NADSYN1: variants seen among roughly 807,000 people sequenced by gnomAD.
NADSYN1 encodes glutamine-dependent NAD(+) synthetase.
NADSYN1 carries 80 observed loss-of-function variants against 99.3 expected under a neutral mutation model. The ratio of observed to expected loss-of-function variants is 0.81; its 90% CI spans 0.67 to 0.97. The LOEUF is 0.97. NADSYN1 is among the 50% of genes least tolerant of loss of function. NADSYN1 has a pLI of 0.00. For missense variants in NADSYN1, 859 were observed against 948.5 expected (o/e 0.91, Z 1.24); for synonymous variants, 385 against 372.1 (o/e 1.03, Z -0.40).
chr11:71,495,614 G>T (rs915849179), intron 18 of NADSYN1, among the ~76,000 whole-genome samples: 19 of 152,152 alleles, frequency 1.2e-4, no homozygotes, highest in Admixed American at 8.5e-4. Context: ...TTGAAAGTGG[G>T]GTATTGAAGT....
At chr11:71,487,634 A>G (rs913604555) in intron 16 of NADSYN1, among the ~76,000 whole-genome samples, 2 of 151,930 alleles carry the variant, frequency 1.3e-5, no homozygotes, top group African/African-American at 4.8e-5. Context: ...GATCGAGACC[A>G]TCCTGGCTAA....
Position 71,490,858 on chromosome 11 carries a change from C to G in NADSYN1, c.1576C>G (p.Leu526Val). 1 of 1,614,192 alleles carries G rather than the reference C, an allele frequency of 6.2e-7. No individual in the cohort carries two copies. Among genetic ancestry groups the G allele is most frequent in the Non-Finnish European group, 8.5e-7 (1 of 1,180,018 alleles). Residue 526 changes from leucine to valine, a missense_variant, in exon 17 of 21, where the codon CTG becomes GTG. Coordinates refer to ENST00000319023, the MANE Select transcript of NADSYN1 (RefSeq NM_018161.5). Reference protein sequence around the residue: ...ANVDESLLGYLTKYDCSSADI... With the variant: ...ANVDESLLGYVTKYDCSSADI... ...CTCTCCCTGCAGTCTCCTGGGCTAC[C>G]TGACCAAGTACGACTGCTCCAGTGC...
chr11:71,464,294 C>CA lies in NADSYN1; in HGVS notation c.407+158dup, dbSNP rs1949572759. The CA allele has an allele frequency of 1.1e-5, 7 of 640,478 alleles. No individual in the cohort carries two copies. The East Asian group carries it at 1.7e-4, about 16-fold the overall frequency. 39.7% of individuals were successfully genotyped at this position (640,478 alleles called of 1,614,324 possible). On this transcript the variant is annotated intron_variant, in intron 5 of 20. Transcript: ENST00000319023. ...ATGGGACAAAAAGCACAAAGAAAGC[C>CA]AAAAAAGAATGAAGCAACCAAAGGA...
At chr11:71,488,945 G>A (rs925989905) in intron 16 of NADSYN1, among the ~76,000 whole-genome samples, 4 of 152,162 alleles carry the variant, frequency 2.6e-5, no homozygotes, top group Non-Finnish European at 4.4e-5. Context: ...CTGGTGAGGA[G>A]ATGAGAGCAG....
intron 6 of NADSYN1, 63 bp from the exon 7 acceptor site, chr11:71,473,215 T>C (rs1337247327): frequency 6.8e-7 from 1 of 1,477,564 alleles, no homozygotes. Flanking sequence ...TGGCCCTAGG[T>C]AGTGCGTGGC....
chr11:71,495,804 G>A (rs149146302), intron 18 of NADSYN1, among the ~76,000 whole-genome samples: 10 of 152,354 alleles, frequency 6.6e-5, no homozygotes, highest in Non-Finnish European at 2.9e-5. Flanking sequence ...CTGGAGGGAC[G>A]GACAAGAAGG....
chr11:71,489,691 C>T (rs958614122), intron 16 of NADSYN1, among the ~76,000 whole-genome samples: 6 of 152,226 alleles, frequency 3.9e-5, no homozygotes, highest in Admixed American at 6.5e-5. Flanking sequence ...CACAGGGTCT[C>T]ACCTGTCCCT....
intron 16 of NADSYN1, among the ~76,000 whole-genome samples, chr11:71,487,291 G>C (rs1472314649): frequency 6.6e-6 from 1 of 152,082 alleles, no homozygotes; most frequent in East Asian, 1.9e-4. Flanking sequence ...TTTCAGGAGG[G>C]GTGTGACGGC....
intron 10 of NADSYN1, chr11:71,478,721 C>T (rs1253730003): frequency 5.8e-5 from 27 of 461,828 alleles, no homozygotes; most frequent in Admixed American, 1.7e-4. Flanking sequence ...GAGAGGCTGA[C>T]GAGACAGTCA....
intron 5 of NADSYN1, among the ~76,000 whole-genome samples, chr11:71,471,448 C>A (rs769984218): frequency 6.6e-6 from 1 of 152,208 alleles, no homozygotes; most frequent in Non-Finnish European, 1.5e-5. Flanking sequence ...AGAGAGCCAT[C>A]CTCAAGGTGT....
chr11:71,481,593 G>C, intron 12 of NADSYN1, 189 bp downstream of exon 12: 1 of 637,838 alleles, frequency 1.6e-6, no homozygotes, highest in Non-Finnish European at 2.7e-6. Flanking sequence ...TGGCTGGTGG[G>C]TCAGCTCCAC....
intron 16 of NADSYN1, among the ~76,000 whole-genome samples, chr11:71,487,780 G>A (rs764045482): frequency 6.5e-5 from 9 of 138,796 alleles, no homozygotes; most frequent in African/African-American, 2.3e-4. Context: ...GCAGTGAGCC[G>A]AGTTCGCGCC....
Position 71,498,435 on chromosome 11 carries a change from C to G in NADSYN1, c.1977C>G (p.Ala659=), listed in dbSNP as rs143948838. 2.2e-5 allele frequency: 35 copies of G among 1,614,192 alleles called. No individual in the cohort carries two copies. The highest frequency in any genetic ancestry group is 3.3e-4 in the Middle Eastern group (2 of 6,062). Residue 659 remains alanine, a synonymous_variant, in exon 20 of 21, where the codon GCC becomes GCG. Transcript: ENST00000319023. ...CCACGCTCACACCCGCGTACCACGCCGAGAACTACAGCCCTGAGGACAACA... is the reference window on the plus strand; with the variant it reads ...CCACGCTCACACCCGCGTACCACGCGGAGAACTACAGCCCTGAGGACAACA... ...KMTTLTPAYH[A]ENYSPEDNRF...
chr11:71,458,599 G>A (rs1004286221), intron 3 of NADSYN1, 55 bp downstream of exon 3: 4 of 1,341,392 alleles, frequency 3.0e-6, no homozygotes, highest in African/African-American at 2.9e-5. Context: ...CAAGCTCAAG[G>A]GCATGACCCA....
chr11:71,469,993 C>G (rs868429030), intron 5 of NADSYN1, among the ~76,000 whole-genome samples: 4 of 146,816 alleles, frequency 2.7e-5, no homozygotes. Context: ...ATACCCAAGA[C>G]TGGGTAATTT....
intron 2 of NADSYN1, among the ~76,000 whole-genome samples, chr11:71,456,425 C>T (rs887816781): frequency 6.6e-6 from 1 of 152,306 alleles, no homozygotes; most frequent in Non-Finnish European, 1.5e-5. Context: ...GCCCCGTGGC[C>T]GGATCTTCTC....
In NADSYN1 at chr11:71,482,645, C is replaced by T. The variant is rs182270137; in HGVS notation, c.1151-204C>T. The T allele has an allele frequency of 1.6e-4, 62 of 386,342 alleles. No individual in the cohort carries two copies. In the African/African-American group the frequency reaches 1.8e-3, roughly 11 times the overall value. 23.9% of individuals were successfully genotyped at this position (386,342 alleles called of 1,614,324 possible). A position where few individuals can be genotyped will look rare whatever the true frequency, so the allele number is the denominator to read the frequency against. Reference sequence around the variant, plus strand: ...CCTGGGGGTGTAGACCGGGGTGGAGCCGCACAGGCACCTGGGGGTGTAGAC... The same window carrying T: ...CCTGGGGGTGTAGACCGGGGTGGAGTCGCACAGGCACCTGGGGGTGTAGAC... On this transcript the variant is annotated intron_variant, in intron 13 of 20. Transcript: ENST00000319023.
intron 7 of NADSYN1, 97 bp from the exon 8 acceptor site, chr11:71,473,472 G>A: frequency 6.5e-7 from 1 of 1,532,094 alleles, no homozygotes; most frequent in Non-Finnish European, 9.0e-7. Flanking sequence ...CCGTGGCCGT[G>A]GGCTGGGAGC....
In NADSYN1 at chr11:71,491,885, G is replaced by A; in HGVS notation, c.1746G>A (p.Gln582=). The change falls in exon 18 of 21, where the codon CAG becomes CAA. Residue 582 remains glutamine, a synonymous_variant. Transcript: ENST00000319023. ...TAELEPLADG[Q]VSQTDEEDMG... ...AGCTGGAGCCCTTGGCTGATGGACA[G>A]GTGTCCCAGACCGACGAGGTAATGG... The A allele has an allele frequency of 1.2e-6, 2 of 1,614,056 alleles. No homozygotes were observed. Among genetic ancestry groups the A allele is most frequent in the Non-Finnish European group, 1.7e-6 (2 of 1,180,014 alleles).
Sources: allele counts gnomAD v4.1 joint callset (sites outside exome capture counted in the v4.1 genomes callset), GRCh38; gene constraint gnomAD v4.1.1; transcripts MANE v1.5; gene names NCBI Gene and HGNC (gene_info 2026-07-23, HGNC 2026-07-21).